Variants in MCFD2 observed in about 807,000 individuals in gnomAD.
MCFD2 encodes multiple coagulation factor deficiency protein 2.
A neutral mutation model predicts 12.8 loss-of-function variants in MCFD2; 11 were observed. That is an observed-to-expected ratio of 0.86 (90% confidence interval 0.54 to 1.42). The LOEUF (loss-of-function observed/expected upper bound fraction) is 1.42. Among genes scored for constraint, MCFD2 ranks in the 40% most tolerant of loss-of-function variants. The pLI, the probability that MCFD2 is intolerant of heterozygous loss-of-function variation, is 0.00. For synonymous variants in MCFD2, 70 were observed against 68.1 expected, an observed-to-expected ratio of 1.03 and a Z score of -0.14; for missense variants, 191 against 178.6, an observed-to-expected ratio of 1.07 and a Z score of -0.40.
At position 46,937,959 on chromosome 2, in the gene MCFD2, C is replaced by T. The variant is rs1037741381; in HGVS notation, c.-8+3613G>A. ...GTAAAAGAGAGAAGTCTGATGGAGACTTCAGGGCTAGGTCCTTTACTATCT... is the reference window on the plus strand; with the variant it reads ...GTAAAAGAGAGAAGTCTGATGGAGATTTCAGGGCTAGGTCCTTTACTATCT... On this transcript the variant is annotated intron_variant, in intron 1 of 2. Coordinates refer to the MCFD2 transcript ENST00000409147. This position sits in a 1 kb window ranked among gnomAD's most constrained non-coding sequence, Gnocchi z 4.0. Among the ~76,000 whole-genome samples, 1 of 152,024 alleles carries T rather than the reference C, an allele frequency of 6.6e-6. No individual in the cohort carries two copies. The highest frequency in any genetic ancestry group is 2.4e-5 in the African/African-American group (1 of 41,366).
chr2:46,941,364 GTGCTGCTGC>G lies in MCFD2; in HGVS notation c.-8+199_-8+207del, dbSNP rs997844606. The G allele has an allele frequency of 2.7e-4, 104 of 384,152 alleles. No homozygotes were observed. In the East Asian group the frequency reaches 7.5e-3, roughly 28 times the overall value. The allele number at this position is 384,152 out of a possible 1,614,324, so 23.8% of individuals were successfully genotyped here. On this transcript the variant is annotated intron_variant, in intron 1 of 2. Coordinates refer to the MCFD2 transcript ENST00000409147. This position sits in a 1 kb window ranked among gnomAD's most constrained non-coding sequence, Gnocchi z 4.2. ...CCGGGCGGTGCGCTGGGAGCTGCTGGTGCTGCTGCTGCTGCTGCTGCCCACCCTCCGCCG... is the reference window on the plus strand; with the variant it reads ...CCGGGCGGTGCGCTGGGAGCTGCTGGTGCTGCTGCTGCCCACCCTCCGCCG...
chr2:46,906,307 A>G (rs1041572421), intron 3 of MCFD2, among the ~76,000 whole-genome samples: 1 of 151,828 alleles, frequency 6.6e-6, no homozygotes, highest in African/African-American at 2.4e-5. Context: ...TCCCTAAACA[A>G]TGCCATTCTC....
At chr2:46,923,311 C>T (rs1180727287) in intron 1 of MCFD2, among the ~76,000 whole-genome samples, 13 of 152,334 alleles carry the variant, frequency 8.5e-5, no homozygotes, top group Admixed American at 1.3e-4. Flanking sequence ...CTAAGAGTCC[C>T]AACCTTCTAA....
chr2:46,920,881 T>C (rs1291868408), intron 1 of MCFD2, among the ~76,000 whole-genome samples: 1 of 152,022 alleles, frequency 6.6e-6, no homozygotes, highest in African/African-American at 2.4e-5. Context: ...GTTATTTTCC[T>C]TCGGTACTTA....
chr2:46,915,553 C>G (rs1479789056), intron 1 of MCFD2, among the ~76,000 whole-genome samples, 170 bp downstream of exon 1: 1 of 152,174 alleles, frequency 6.6e-6, no homozygotes, highest in Non-Finnish European at 1.5e-5. Flanking sequence ...CACAGGCTTC[C>G]GCCCCGGGAG....
At chr2:46,917,225 G>A (rs1367166817), upstream of MCFD2, 2 of 700,834 alleles carry the variant, frequency 2.9e-6, no homozygotes, top group Non-Finnish European at 5.2e-6. Flanking sequence ...GAACTCCTGG[G>A]TTCAAGCAAT....
intron 1 of MCFD2, among the ~76,000 whole-genome samples, chr2:46,931,418 C>T (rs183788166): frequency 6.9e-4 from 105 of 152,286 alleles, no homozygotes; most frequent in African/African-American, 2.4e-3. Context: ...AAGGACTTTG[C>T]AGAGGTGATT....
chr2:46,924,253 A>T (rs916976811), intron 1 of MCFD2, among the ~76,000 whole-genome samples: 1 of 151,520 alleles, frequency 6.6e-6, no homozygotes, highest in African/African-American at 2.4e-5. Context: ...AAAAAATCTC[A>T]AAGTCCCTGT....
At position 46,903,908 on chromosome 2, in the gene MCFD2, A is replaced by C. The variant is rs1668109460; in HGVS notation, c.*1555T>G. The C allele has an allele frequency of 6.6e-6, 1 of 152,188 alleles. No homozygotes were observed. Among genetic ancestry groups the C allele is most frequent in the African/African-American group, 2.4e-5 (1 of 41,446 alleles). 9.4% of individuals were successfully genotyped at this position (152,188 alleles called of 1,614,324 possible). ...AATTTGCATAAGTAGCAAGGAGCCT[A>C]ATGTTAATCCCCAACACCATGGGGA... On this transcript the variant is annotated 3_prime_UTR_variant, in exon 4 of 4. Transcript: ENST00000319466.
upstream of MCFD2, chr2:46,917,363 A>G (rs2103787917): frequency 3.4e-6 from 2 of 591,706 alleles, no homozygotes; most frequent in East Asian, 2.9e-5. Context: ...CTTACTCTGA[A>G]CTTTGGATTA....
upstream of MCFD2, among the ~76,000 whole-genome samples, chr2:46,919,673 C>T (rs779566169): frequency 6.6e-6 from 1 of 152,154 alleles, no homozygotes; most frequent in Non-Finnish European, 1.5e-5. Flanking sequence ...GCTGTTGGGC[C>T]CTGTGGTAAT....
At chr2:46,910,130 C>T (rs1483348066) in intron 1 of MCFD2, among the ~76,000 whole-genome samples, 1 of 152,170 alleles carries the variant, frequency 6.6e-6, no homozygotes, top group African/African-American at 2.4e-5. Flanking sequence ...CCATCAGGAA[C>T]TCCCAGGGTT....
upstream of MCFD2, among the ~76,000 whole-genome samples, chr2:46,919,458 G>A (rs796233607): frequency 5.3e-5 from 8 of 152,298 alleles, 1 homozygote; most frequent in South Asian, 2.1e-4. Flanking sequence ...GCTTGAACCC[G>A]GGCAGCAGAG....
rs771003004 is a variant in MCFD2 at position 46,907,938 on chromosome 2, T to G, written c.181A>C (p.Asn61His). 20 of 1,614,100 alleles carry G rather than the reference T, an allele frequency of 1.2e-5. No homozygotes were observed. The South Asian group carries it at 2.2e-4, about 18-fold the overall frequency. Residue 61 changes from asparagine to histidine, a missense_variant, in exon 3 of 4, where the codon AAC becomes CAC. Asn to His is a moderately conservative substitution (Grantham distance 68). Transcript: ENST00000319466. This position sits in a 1 kb window ranked among gnomAD's most constrained non-coding sequence, Gnocchi z 4.1. ...GGCGACATCTCCGCCTCTGGTTTGT[T>G]GATGACACCTTCTAGATGCTCCATG... ...HIMEHLEGVI[N>H]KPEAEMSPQE...
upstream of MCFD2, among the ~76,000 whole-genome samples, chr2:46,917,681 A>G (rs1306689042): frequency 6.6e-6 from 1 of 152,182 alleles, no homozygotes; most frequent in Non-Finnish European, 1.5e-5. Context: ...GATAATTCCC[A>G]TCAACATATA....
intron 1 of MCFD2, among the ~76,000 whole-genome samples, chr2:46,925,094 T>C (rs901682482): frequency 1.3e-5 from 2 of 152,242 alleles, no homozygotes; most frequent in Non-Finnish European, 2.9e-5. Flanking sequence ...GATCTGTTTG[T>C]TGCACTGCAC....
chr2:46,917,214 C>G (rs753536073), upstream of MCFD2: 4 of 700,810 alleles, frequency 5.7e-6, no homozygotes, highest in South Asian at 5.9e-5. Flanking sequence ...CAGCTCGTCT[C>G]GAACTCCTGG....
At chr2:46,912,373 G>C (rs1027746960) in intron 1 of MCFD2, among the ~76,000 whole-genome samples, 2 of 152,178 alleles carry the variant, frequency 1.3e-5, no homozygotes, top group Non-Finnish European at 2.9e-5. Flanking sequence ...CCCTGACAAG[G>C]CCACTGCCAC....
chr2:46,916,286 C>T (rs1262012967), upstream of MCFD2: 2 of 604,134 alleles, frequency 3.3e-6, no homozygotes, highest in Non-Finnish European at 2.1e-6. Flanking sequence ...TTGGACCCTA[C>T]GTTTCAAGAT....
Sources: gnomAD v4.1 joint callset for allele counts (sites outside exome capture counted in the v4.1 genomes callset) on GRCh38, gnomAD v4.1.1 for gene constraint, Gnocchi (gnomAD v3.1) non-coding constraint, MANE v1.5 for transcripts, NCBI Gene and HGNC (gene_info 2026-07-23, HGNC 2026-07-21) for gene names.